GALP: variants seen among roughly 807,000 people sequenced by gnomAD.
The protein encoded by GALP is galanin-like peptide.
In GALP, 12 loss-of-function variants were observed where a neutral mutation model predicts 15.2. The observed-to-expected ratio is 0.79, with a 90% CI of 0.51 to 1.28. GALP has a LOEUF of 1.28. Among genes scored for constraint, GALP ranks in the 50% most tolerant of loss-of-function variants. The pLI is 0.00. For missense variants in GALP, 161 were observed against 145.6 expected, an observed-to-expected ratio of 1.11 and a Z score of -0.55; for synonymous variants, 58 against 55.1, an observed-to-expected ratio of 1.05 and a Z score of -0.23.
intron 1 of GALP, among the ~76,000 whole-genome samples, chr19:56,176,548 G>C (rs1466838713): frequency 1.9e-4 from 23 of 118,238 alleles, no homozygotes; most frequent in South Asian, 9.0e-4. Flanking sequence ...AGGGGCGGAT[G>C]CCAGCTGCAG....
At position 56,183,121 on chromosome 19, in the gene GALP, A is replaced by C. The variant is rs2032594717; in HGVS notation, c.218-14A>C. The C allele has an allele frequency of 6.3e-7, 1 of 1,588,038 alleles. No individual in the cohort carries two copies. The highest frequency in any genetic ancestry group is 1.3e-5 in the African/African-American group (1 of 74,480). ...CTACGAACGTGTGTGTGAATGTTGTATTTTTGTTTCTAGACGGGCTCCCCT... is the reference window on the plus strand; with the variant it reads ...CTACGAACGTGTGTGTGAATGTTGTCTTTTTGTTTCTAGACGGGCTCCCCT... On this transcript the variant is annotated splice_polypyrimidine_tract_variant and intron_variant, in intron 4 of 5. Transcript: ENST00000357330.
chr19:56,179,878 T>C (rs756171079), intron 2 of GALP, among the ~76,000 whole-genome samples: 1 of 152,260 alleles, frequency 6.6e-6, no homozygotes, highest in East Asian at 1.9e-4. Flanking sequence ...CCCCGCTCAC[T>C]GCAATCTCCA....
chr19:56,180,620 A>C lies in GALP; in HGVS notation c.122A>C (p.Tyr41Ser). ...RGGWTLNSAG[Y>S]LLGPVLHLPQ... Reference sequence around the variant, plus strand: ...GGCTGGACCCTCAATAGTGCTGGCTACCTTCTGGGTCCCGGTGAGTGAGGC... The same window carrying C: ...GGCTGGACCCTCAATAGTGCTGGCTCCCTTCTGGGTCCCGGTGAGTGAGGC... The change falls in exon 3 of 6, where the codon TAC (tyrosine) becomes TCC (serine). Residue 41 changes from tyrosine to serine, a missense_variant. Transcript: ENST00000357330. 6.2e-7 allele frequency: 1 copy of C among 1,613,536 alleles called. No homozygotes were observed. Among genetic ancestry groups the C allele is most frequent in the Non-Finnish European group, 8.5e-7 (1 of 1,179,800 alleles).
Position 56,185,365 on chromosome 19 carries a change from G to A in GALP, c.*95G>A. The A allele has an allele frequency of 1.5e-6, 1 of 680,896 alleles. No individual in the cohort carries two copies. The highest frequency in any genetic ancestry group is 2.5e-6 in the Non-Finnish European group (1 of 396,720). 42.2% of individuals were successfully genotyped at this position (680,896 alleles called of 1,614,324 possible). ...TACCCTATGCTGAGACTAAGATCCT[G>A]AAGTTAAATACCCAGGTCTCATGAA... On this transcript the variant is annotated 3_prime_UTR_variant, in exon 6 of 6. Transcript: ENST00000357330.
In GALP at chr19:56,185,510, G is replaced by C. The variant is rs2032639967; in HGVS notation, c.*240G>C. The stretch of plus-strand genomic sequence containing the variant: ...GGAACCAATAGTAATTCGAGGACTA[G>C]TTGGGAGATTCTGGGGTAATCAGGG... On this transcript the variant is annotated 3_prime_UTR_variant, in exon 6 of 6. Coordinates refer to ENST00000357330, the MANE Select transcript of GALP (RefSeq NM_033106.4). 2 of 371,140 alleles carry C rather than the reference G, an allele frequency of 5.4e-6. No homozygotes were observed. The highest frequency in any genetic ancestry group is 9.2e-5 in the East Asian group (2 of 21,704). 23.0% of individuals were successfully genotyped at this position (371,140 alleles called of 1,614,324 possible).
chr19:56,179,657 T>C (rs1448652263), intron 2 of GALP, among the ~76,000 whole-genome samples: 3 of 144,362 alleles, frequency 2.1e-5, no homozygotes, highest in South Asian at 2.2e-4. Flanking sequence ...TTTTTTTTTT[T>C]CTTTGAGACA....
rs2032581148 is a variant in GALP, at chr19:56,182,318, G to A, written c.217+66G>A. 2.9e-5 allele frequency: 34 copies of A among 1,191,688 alleles called. No homozygotes were observed. The South Asian group carries it at 4.3e-4, about 15-fold the overall frequency. The allele number at this position is 1,191,688 out of a possible 1,614,324, so 73.8% of individuals were successfully genotyped here. A position where few individuals can be genotyped will look rare whatever the true frequency, so the allele number is the denominator to read the frequency against. On this transcript the variant is annotated intron_variant, in intron 4 of 5. Transcript: ENST00000357330. ...CCCTGCGGGCTCTCTCCTGGCTTTG[G>A]AAACTGGTAGATGTGAGCTCCAGCC...
chr19:56,184,932 T>C (rs1207109805), intron 5 of GALP, among the ~76,000 whole-genome samples: 2 of 152,180 alleles, frequency 1.3e-5, no homozygotes, highest in Non-Finnish European at 2.9e-5. Context: ...ACATTCTGAC[T>C]CTTGAAAACA....
chr19:56,177,250 T>A, intron 2 of GALP, 55 bp downstream of exon 2: 1 of 1,418,144 alleles, frequency 7.1e-7, no homozygotes, highest in Non-Finnish European at 9.9e-7. Context: ...CCCTGCCCTC[T>A]GGGAAGAGTT....
At chr19:56,182,296 T>C (rs980205762) in intron 4 of GALP, 44 bp downstream of exon 4, 10 of 1,444,422 alleles carry the variant, frequency 6.9e-6, no homozygotes, top group Non-Finnish European at 9.7e-6. Context: ...CGTCCTCCCC[T>C]GCGGGCTCTC....
At chr19:56,183,746 C>CCT in intron 5 of GALP, among the ~76,000 whole-genome samples, 1 of 152,036 alleles carries the variant, frequency 6.6e-6, no homozygotes, top group African/African-American at 2.4e-5. Context: ...TACAGGCACG[C>CCT]GCCACCATGT....
intron 2 of GALP, among the ~76,000 whole-genome samples, chr19:56,179,003 CCT>C (rs2032515540): frequency 6.6e-6 from 1 of 152,062 alleles, no homozygotes; most frequent in African/African-American, 2.4e-5. Context: ...GGCGAAACCC[CCT>C]GTCTCTATTA....
intron 5 of GALP, among the ~76,000 whole-genome samples, chr19:56,184,200 C>G (rs2032616061): frequency 6.6e-6 from 1 of 152,122 alleles, no homozygotes; most frequent in Admixed American, 6.6e-5. Flanking sequence ...AGGTGATCTG[C>G]CCGCCTTGGC....
chr19:56,182,290 C>CTTCTCCTGCGTCT (rs1362227115), intron 4 of GALP, 38 bp downstream of exon 4: 1 of 1,488,974 alleles, frequency 6.7e-7, no homozygotes, highest in Non-Finnish European at 9.4e-7. Context: ...CTCCTGCGTC[C>CTTCTCCTGCGTCT]TCCCCTGCGG....
At chr19:56,183,036 A>C in intron 4 of GALP, 99 bp from the exon 5 acceptor site, 1 of 805,730 alleles carries the variant, frequency 1.2e-6, no homozygotes, top group Non-Finnish European at 2.1e-6. Flanking sequence ...GGAAGGACCC[A>C]GTGTCTCTTG....
rs765783455 is a variant in GALP at position 56,177,082 on chromosome 19, C to A, written c.-27C>A. On this transcript the variant is annotated 5_prime_UTR_variant, in exon 2 of 6. The change creates a new upstream start codon in the 5' untranslated region. Coordinates refer to ENST00000357330, the MANE Select transcript of GALP (RefSeq NM_033106.4). ...TCTCTCCTTGCAGCGTGTTCCGCAGCTGTAGGCACCTGTCGTCCTGCCTTC... is the reference window on the plus strand; with the variant it reads ...TCTCTCCTTGCAGCGTGTTCCGCAGATGTAGGCACCTGTCGTCCTGCCTTC... The A allele has an allele frequency of 6.3e-7, 1 of 1,578,944 alleles. No homozygotes were observed. The highest frequency in any genetic ancestry group is 1.3e-5 in the African/African-American group (1 of 74,166).
intron 2 of GALP, among the ~76,000 whole-genome samples, chr19:56,178,361 G>T (rs2032501642): frequency 6.6e-6 from 1 of 151,866 alleles, no homozygotes. Context: ...TACTTGGGAG[G>T]CTGAGGCATG....
chr19:56,176,509 G>T lies in GALP; in HGVS notation c.-40+447G>T, dbSNP rs12985712. On this transcript the variant is annotated intron_variant, in intron 1 of 5. Coordinates refer to ENST00000357330, the MANE Select transcript of GALP (RefSeq NM_033106.4). ...GCAGAGGGGCGGATCCCAGCTGCACGGGGGTGAGAGCCTAGGCCAGGAGGG... is the reference window on the plus strand; with the variant it reads ...GCAGAGGGGCGGATCCCAGCTGCACTGGGGTGAGAGCCTAGGCCAGGAGGG... 8.9e-5 allele frequency among the ~76,000 whole-genome samples: 3 copies of T among 33,670 alleles called. 1 individual carries two copies. Among genetic ancestry groups the T allele is most frequent in the Non-Finnish European group, 4.9e-5 (1 of 20,446 alleles). The allele number at this position is 33,670 out of a possible 152,430, so 22.1% of individuals were successfully genotyped here. A position where few individuals can be genotyped will look rare whatever the true frequency, so the allele number is the denominator to read the frequency against.
intron 3 of GALP, among the ~76,000 whole-genome samples, chr19:56,181,497 C>T (rs1478176398): frequency 6.7e-6 from 1 of 149,122 alleles, no homozygotes; most frequent in Admixed American, 6.8e-5. Flanking sequence ...CTCTGCTTCC[C>T]GGATTCAAGC....
Sources: gnomAD v4.1 joint callset for allele counts (sites outside exome capture counted in the v4.1 genomes callset) on GRCh38, gnomAD v4.1.1 for gene constraint, MANE v1.5 for transcripts, NCBI Gene and HGNC (gene_info 2026-07-23, HGNC 2026-07-21) for gene names.